The following WDTC1 variants were observed in gnomAD, a reference collection of about 807,000 sequenced individuals.
WDTC1 encodes the protein WD and tetratricopeptide repeats 1.
Under a neutral mutation model 76.0 loss-of-function variants are expected in WDTC1, and 12 were observed. The observed-to-expected ratio is 0.16, with a 90% CI of 0.10 to 0.26. The LOEUF (loss-of-function observed/expected upper bound fraction) is 0.26. Ranked by LOEUF, WDTC1 falls within the 10% of genes least tolerant of loss-of-function variation. The pLI, the probability that WDTC1 is intolerant of heterozygous loss-of-function variation, is 1.00. For synonymous variants in WDTC1, 326 were observed against 350.8 expected, an observed-to-expected ratio of 0.93 and a Z score of 0.79; for missense variants, 511 against 908.8, an observed-to-expected ratio of 0.56 and a Z score of 5.63.
Position 27,305,005 on chromosome 1 carries a change from G to A in WDTC1, c.1648G>A (p.Ala550Thr), listed in dbSNP as rs966210412. 13 of 1,612,606 alleles carry A rather than the reference G, an allele frequency of 8.1e-6. No homozygotes were observed. The highest frequency in any genetic ancestry group is 3.3e-4 in the Middle Eastern group (2 of 6,050). ...IKEANFFGSN[A>T]QYIVSGSDDG... ...TGCCCTTTGCCCCCCCGCCAGCAAC[G>A]CTCAGTATATCGTCAGTGGCTCTGA... The change falls in exon 15 of 16, where the codon GCT (alanine) becomes ACT (threonine). Residue 550 changes from alanine to threonine, a missense_variant. Physicochemically the swap from Ala to Thr is moderately conservative, Grantham distance 58 (BLOSUM62 0). Transcript: ENST00000319394. The surrounding 1 kb of genome is among the most constrained non-coding windows in gnomAD (Gnocchi z 4.6).
In WDTC1 at chr1:27,234,892, C is replaced by G. The variant is rs1431077121; in HGVS notation, c.-159C>G. ...CTTCCCGGGAGAGGGGCCGCCCCCC[C>G]CGGACGGACATGGGCTCCTGAAGTT... On this transcript the variant is annotated 5_prime_UTR_variant, in exon 1 of 16. Coordinates refer to ENST00000319394, the MANE Select transcript of WDTC1 (RefSeq NM_001276252.2). 11 of 395,670 alleles carry G rather than the reference C, an allele frequency of 2.8e-5. No individual in the cohort carries two copies. Among genetic ancestry groups the G allele is most frequent in the Middle Eastern group, 6.3e-4 (1 of 1,590 alleles). 24.5% of individuals were successfully genotyped at this position (395,670 alleles called of 1,614,324 possible).
In WDTC1 at chr1:27,303,556, T is replaced by A; in HGVS notation, c.1469-65T>A. 5 of 1,513,790 alleles carry A rather than the reference T, an allele frequency of 3.3e-6. No individual in the cohort carries two copies. Among genetic ancestry groups the A allele is most frequent in the Non-Finnish European group, 4.4e-6 (5 of 1,136,594 alleles). The allele number at this position is 1,513,790 out of a possible 1,614,324, so 93.8% of individuals were successfully genotyped here. A position where few individuals can be genotyped will look rare whatever the true frequency, so the allele number is the denominator to read the frequency against. ...TTTGGACTGAAAACAGAGCCATAGG[T>A]GGGGGAAAATAGGGAAGGAGAGAAA... On this transcript the variant is annotated intron_variant, in intron 13 of 15. Transcript: ENST00000319394. This position sits in a 1 kb window ranked among gnomAD's most constrained non-coding sequence, Gnocchi z 4.8.
At chr1:27,280,869 T>C (rs2013166292) in intron 3 of WDTC1, among the ~76,000 whole-genome samples, 1 of 152,260 alleles carries the variant, frequency 6.6e-6, no homozygotes, top group African/African-American at 2.4e-5. Context: ...CAGAAAATGT[T>C]CTCAAAGATC....
intron 3 of WDTC1, among the ~76,000 whole-genome samples, chr1:27,278,678 T>C (rs1484651894): frequency 1.3e-5 from 2 of 152,260 alleles, no homozygotes; most frequent in African/African-American, 2.4e-5. Flanking sequence ...AGGCCTGTTA[T>C]TTTTATACTC....
chr1:27,271,873 G>A (rs2012877049), intron 3 of WDTC1, among the ~76,000 whole-genome samples: 1 of 150,008 alleles, frequency 6.7e-6, no homozygotes. Flanking sequence ...CCGGCCTCAG[G>A]TGATCCGCCC....
At position 27,292,389 on chromosome 1, in the gene WDTC1, T is replaced by G. The variant is rs767764465; in HGVS notation, c.654T>G (p.His218Gln). The G allele has an allele frequency of 6.3e-7, 1 of 1,598,002 alleles. No individual in the cohort carries two copies. The highest frequency in any genetic ancestry group is 1.1e-5 in the South Asian group (1 of 88,644). Residue 218 changes from histidine to glutamine, a missense_variant, in exon 7 of 16, where the codon CAT becomes CAG. By Grantham distance (24) the His-to-Gln change is conservative (BLOSUM62 0). Transcript: ENST00000319394. ...GGCTCTATGACATCCGCATGATCCA[T>G]AACCACAGGTATGAATAGTTCAGCC... ...FVRLYDIRMI[H>Q]NHRKSMKQSP...
At chr1:27,263,901 A>G (rs1182570831) in intron 3 of WDTC1, among the ~76,000 whole-genome samples, 1 of 152,078 alleles carries the variant, frequency 6.6e-6, no homozygotes, top group Non-Finnish European at 1.5e-5. Flanking sequence ...ATACATATAC[A>G]TATACACATA....
At chr1:27,280,383 T>G (rs1328955330) in intron 3 of WDTC1, among the ~76,000 whole-genome samples, 13 of 152,228 alleles carry the variant, frequency 8.5e-5, no homozygotes, top group Admixed American at 5.2e-4. Context: ...TGAGGAATTT[T>G]TTAAAGTTTT....
At chr1:27,279,998 C>T (rs2013144304) in intron 3 of WDTC1, among the ~76,000 whole-genome samples, 1 of 152,208 alleles carries the variant, frequency 6.6e-6, no homozygotes, top group Non-Finnish European at 1.5e-5. Context: ...CCACAACAAC[C>T]CTATGAGGCT....
chr1:27,252,038 ACT>A (rs751795253), intron 1 of WDTC1, among the ~76,000 whole-genome samples: 5 of 151,266 alleles, frequency 3.3e-5, no homozygotes, highest in Non-Finnish European at 7.4e-5. Flanking sequence ...ATAGAGCAAG[ACT>A]CTGTCTCAAA....
At chr1:27,245,403 G>A (rs938264801) in intron 1 of WDTC1, among the ~76,000 whole-genome samples, 1 of 151,678 alleles carries the variant, frequency 6.6e-6, no homozygotes, top group African/African-American at 2.4e-5. Context: ...ATCGGATGAA[G>A]AGCAGGCCCT....
Position 27,308,477 on chromosome 1 carries a change from T to C in WDTC1, c.*2094T>C, listed in dbSNP as rs1319763574. 1 of 152,192 alleles carries C rather than the reference T, an allele frequency of 6.6e-6. No individual in the cohort carries two copies. The highest frequency in any genetic ancestry group is 2.4e-5 in the African/African-American group (1 of 41,446). 9.4% of individuals were successfully genotyped at this position (152,192 alleles called of 1,614,324 possible). ...ATCAGCTTTCACTCTCTGGCTGTTT[T>C]CTCATCAGTAAAATAAGGGACTTGG... On this transcript the variant is annotated 3_prime_UTR_variant, in exon 16 of 16. Transcript: ENST00000319394.
At chr1:27,257,546 T>C (rs927464472) in intron 1 of WDTC1, among the ~76,000 whole-genome samples, 1 of 152,216 alleles carries the variant, frequency 6.6e-6, no homozygotes, top group African/African-American at 2.4e-5. Context: ...AGCAGAGCTA[T>C]AGATGCCATT....
intron 12 of WDTC1, among the ~76,000 whole-genome samples, chr1:27,299,188 T>C (rs2013771508): frequency 6.6e-6 from 1 of 152,210 alleles, no homozygotes; most frequent in African/African-American, 2.4e-5. Flanking sequence ...TCCTAATCCA[T>C]ATGTGCCCTC....
chr1:27,300,583 G>C (rs1283401729), intron 12 of WDTC1, among the ~76,000 whole-genome samples: 1 of 152,076 alleles, frequency 6.6e-6, no homozygotes, highest in Non-Finnish European at 1.5e-5. Flanking sequence ...GGAGCTCCTG[G>C]TGTGCACAAC....
At chr1:27,279,870 C>G (rs2013141536) in intron 3 of WDTC1, among the ~76,000 whole-genome samples, 1 of 152,208 alleles carries the variant, frequency 6.6e-6, no homozygotes, top group Non-Finnish European at 1.5e-5. Flanking sequence ...CCAGCCTGTG[C>G]TGTAAGTCTT....
rs1277928247 is a variant in WDTC1, at chr1:27,303,931, C to G, written c.1643+136C>G. The G allele has an allele frequency of 1.7e-6, 2 of 1,166,756 alleles. No homozygotes were observed. The highest frequency in any genetic ancestry group is 1.6e-5 in the African/African-American group (1 of 62,170). The allele number at this position is 1,166,756 out of a possible 1,614,324, so 72.3% of individuals were successfully genotyped here. On this transcript the variant is annotated intron_variant, in intron 14 of 15. Transcript: ENST00000319394. The surrounding 1 kb of genome is among the most constrained non-coding windows in gnomAD (Gnocchi z 4.8). ...TGTACCCTTGGGCAAATGGCTTCACCTTTGTCAGCCTCTAAAGTTTTTTAA... is the reference window on the plus strand; with the variant it reads ...TGTACCCTTGGGCAAATGGCTTCACGTTTGTCAGCCTCTAAAGTTTTTTAA...
At chr1:27,241,900 G>A (rs938997745) in intron 1 of WDTC1, among the ~76,000 whole-genome samples, 1 of 139,608 alleles carries the variant, frequency 7.2e-6, no homozygotes. Context: ...GTTTTTTTTT[G>A]TTTTTTTTTT....
chr1:27,301,484 G>T lies in WDTC1; in HGVS notation c.1468+23G>T, dbSNP rs755628083. The T allele has an allele frequency of 1.2e-6, 2 of 1,605,276 alleles. No homozygotes were observed. The highest frequency in any genetic ancestry group is 1.7e-6 in the Non-Finnish European group (2 of 1,177,314). On this transcript the variant is annotated intron_variant, in intron 13 of 15. Coordinates refer to ENST00000319394, the MANE Select transcript of WDTC1 (RefSeq NM_001276252.2). This position sits in a 1 kb window ranked among gnomAD's most constrained non-coding sequence, Gnocchi z 5.8. ...GTGGTGAGTGGGCACTGAGGAGGGG[G>T]TGCTGTTACTCTTTCTCTTTGAGAT...
Sources: allele counts gnomAD v4.1 joint callset (sites outside exome capture counted in the v4.1 genomes callset), GRCh38; gene constraint gnomAD v4.1.1; non-coding constraint Gnocchi (gnomAD v3.1); transcripts MANE v1.5; gene names NCBI Gene and HGNC (gene_info 2026-07-23, HGNC 2026-07-21).